RFC1: variants seen among roughly 807,000 people sequenced by gnomAD.
The protein encoded by RFC1 is A1 140 kDa subunit.
A neutral mutation model predicts 137.4 loss-of-function variants in RFC1; 37 were observed. The ratio of observed to expected loss-of-function variants is 0.27; its 90% CI spans 0.21 to 0.35. The LOEUF (loss-of-function observed/expected upper bound fraction) is 0.35. Ranked by LOEUF, RFC1 falls within the 10% of genes least tolerant of loss-of-function variation. RFC1 has a pLI of 1.00. For synonymous variants in RFC1, 429 were observed against 455.7 expected, an observed-to-expected ratio of 0.94 and a Z score of 0.75; for missense variants, 1,205 against 1,358.5, an observed-to-expected ratio of 0.89 and a Z score of 1.78.
At chr4:39,304,644 G>T (rs1398947294) in intron 15 of RFC1, among the ~76,000 whole-genome samples, 170 bp downstream of exon 15, 2 of 152,116 alleles carry the variant, frequency 1.3e-5, no homozygotes, top group African/African-American at 2.4e-5. Flanking sequence ...CTACGAAAGG[G>T]TAAGTACTGC....
intron 3 of RFC1, among the ~76,000 whole-genome samples, chr4:39,344,631 A>G (rs573917857): frequency 2.0e-4 from 31 of 152,298 alleles, no homozygotes. Context: ...TACTAAAATT[A>G]TAAAAATTAG....
At chr4:39,352,703 C>T (rs1741267830) in intron 1 of RFC1, among the ~76,000 whole-genome samples, 1 of 152,142 alleles carries the variant, frequency 6.6e-6, no homozygotes. Flanking sequence ...AACTATCATC[C>T]CTTCATATTA....
chr4:39,299,610 C>CAAAAA (rs970461214), intron 21 of RFC1, among the ~76,000 whole-genome samples: 2 of 40,404 alleles, frequency 4.9e-5, no homozygotes, highest in African/African-American at 9.0e-5. Flanking sequence ...AACACTGTCT[C>CAAAAA]AAAAAAAAAA....
intron 1 of RFC1, among the ~76,000 whole-genome samples, chr4:39,357,533 T>C (rs1447099107): frequency 6.6e-6 from 1 of 152,222 alleles, no homozygotes; most frequent in Non-Finnish European, 1.5e-5. Flanking sequence ...TTATGCCTGA[T>C]CTAATGGTTT....
chr4:39,319,177 T>G (rs2109663058), intron 9 of RFC1, among the ~76,000 whole-genome samples: 1 of 152,328 alleles, frequency 6.6e-6, no homozygotes, highest in East Asian at 1.9e-4. Flanking sequence ...TAAGTGCTTT[T>G]ACATATGAAG....
At position 39,320,424 on chromosome 4, in the gene RFC1, T is replaced by C; in HGVS notation, c.1054A>G (p.Lys352Glu). ...ENAIKLKGET[K>E]TPKKTKSSPA... ...GAACTTTTGGTTTTCTTAGGAGTTT[T>C]TGTCTCTCCTTTCAATTTAATGGCA... The change falls in exon 9 of 25, where the codon AAA becomes GAA. Residue 352 changes from lysine (K) to glutamate (E), a missense_variant. This residue lies in a region of RFC1 where 962 missense variants were observed against 1,035.3 expected (regional missense o/e 0.93). Coordinates refer to ENST00000349703, the MANE Select transcript of RFC1 (RefSeq NM_002913.5). 1.3e-6 allele frequency: 2 copies of C among 1,571,962 alleles called. No homozygotes were observed. Among genetic ancestry groups the C allele is most frequent in the Non-Finnish European group, 8.6e-7 (1 of 1,168,790 alleles).
chr4:39,358,533 G>A (rs183502910), intron 1 of RFC1, among the ~76,000 whole-genome samples: 239 of 152,154 alleles, frequency 1.6e-3, no homozygotes, highest in Non-Finnish European at 2.7e-3. Context: ...GCGCTATATG[G>A]CAGTTCCCTC....
chr4:39,358,001 G>T (rs181554577), intron 1 of RFC1, among the ~76,000 whole-genome samples: 1 of 152,080 alleles, frequency 6.6e-6, no homozygotes, highest in African/African-American at 2.4e-5. Context: ...TGGGCCAAGC[G>T]CAGTGGCTCA....
intron 10 of RFC1, among the ~76,000 whole-genome samples, chr4:39,316,454 C>A (rs1739245608): frequency 6.6e-6 from 1 of 152,112 alleles, no homozygotes; most frequent in South Asian, 2.1e-4. Context: ...CCATCACAAC[C>A]CCTTCACACC....
At chr4:39,307,332 A>G (rs773658023) in intron 13 of RFC1, 1 of 153,682 alleles carries the variant, frequency 6.5e-6, no homozygotes, top group South Asian at 2.0e-4. Flanking sequence ...CATCATGCTC[A>G]ACTCATACTC....
At chr4:39,358,850 T>C (rs184182377) in intron 1 of RFC1, among the ~76,000 whole-genome samples, 2 of 152,336 alleles carry the variant, frequency 1.3e-5, no homozygotes, top group Admixed American at 1.3e-4. Flanking sequence ...CTGTGCGAAC[T>C]AACTCACACC....
In RFC1 at chr4:39,345,383, C is replaced by T. The variant is rs1448129766; in HGVS notation, c.208+18G>A. On this transcript the variant is annotated intron_variant, in intron 3 of 24. Coordinates refer to ENST00000349703, the MANE Select transcript of RFC1 (RefSeq NM_002913.5). Reference sequence around the variant, plus strand: ...CAATAACTTTAAAATTTTAAAGCTCCTCAGAAGAAATTATTACCTGAATCA... The same window carrying T: ...CAATAACTTTAAAATTTTAAAGCTCTTCAGAAGAAATTATTACCTGAATCA... 1 of 1,607,830 alleles carries T rather than the reference C, an allele frequency of 6.2e-7. No homozygotes were observed. The highest frequency in any genetic ancestry group is 1.7e-5 in the Admixed American group (1 of 59,570).
chr4:39,324,947 G>A (rs1332071789), intron 6 of RFC1, among the ~76,000 whole-genome samples: 1 of 152,104 alleles, frequency 6.6e-6, no homozygotes, highest in Non-Finnish European at 1.5e-5. Context: ...AGAGATGAGC[G>A]CTCCTCCCTG....
chr4:39,355,380 T>C (rs1485431428), intron 1 of RFC1, among the ~76,000 whole-genome samples: 6 of 151,286 alleles, frequency 4.0e-5, no homozygotes, highest in Non-Finnish European at 7.4e-5. Context: ...CAGTGAGCCA[T>C]GACCATCACA....
chr4:39,318,103 G>A (rs1190317065), intron 9 of RFC1: 1 of 152,068 alleles, frequency 6.6e-6, no homozygotes, highest in African/African-American at 2.4e-5. Flanking sequence ...CTTGCAGTGA[G>A]CTGAGATCGC....
intron 10 of RFC1, among the ~76,000 whole-genome samples, chr4:39,314,465 G>T (rs960795904): frequency 2.0e-5 from 3 of 151,892 alleles, no homozygotes; most frequent in Non-Finnish European, 4.4e-5. Flanking sequence ...TCTAGAATTT[G>T]GCTAAGCTCT....
chr4:39,359,655 T>C lies in RFC1; in HGVS notation c.3+6584A>G, dbSNP rs949928549. 1.2e-3 allele frequency among the ~76,000 whole-genome samples: 176 copies of C among 152,076 alleles called. 1 individual carries two copies. The highest frequency in any genetic ancestry group is 4.1e-3 in the African/African-American group (171 of 41,488). ...GGCTAACACGGTGAAACCCCATCTC[T>C]ACTAAAAATACAAAAAATTAGCCAG... On this transcript the variant is annotated intron_variant, in intron 1 of 24. Transcript: ENST00000349703.
chr4:39,308,694 G>C lies in RFC1; in HGVS notation c.1827C>G (p.Asn609Lys). ...IGQQGDQSCA[N>K]KLLRWLRNWQ... is the part of the protein sequence containing the mutation. Reference sequence around the variant, plus strand: ...AGTTTCGGAGCCAGCGTAGGAGTTTGTTGGCACAGCTCTGGTCACCTTGCT... The same window carrying C: ...AGTTTCGGAGCCAGCGTAGGAGTTTCTTGGCACAGCTCTGGTCACCTTGCT... Residue 609 changes from asparagine (N) to lysine (K), a missense_variant, in exon 13 of 25, where the codon AAC becomes AAG. Asn to Lys is a moderately conservative substitution (Grantham distance 94). This residue lies in a region of RFC1 where 962 missense variants were observed against 1,035.3 expected (regional missense o/e 0.93). Transcript: ENST00000349703. 1.2e-6 allele frequency: 2 copies of C among 1,614,176 alleles called. No individual in the cohort carries two copies. Among genetic ancestry groups the C allele is most frequent in the South Asian group, 1.1e-5 (1 of 91,078 alleles).
At chr4:39,318,185 T>C (rs1739345481) in intron 9 of RFC1, 2 of 151,872 alleles carry the variant, frequency 1.3e-5, no homozygotes, top group Non-Finnish European at 2.9e-5. Context: ...GCTTAACCAA[T>C]AAAATAGTTC....
Sources: gnomAD v4.1 joint callset for allele counts (sites outside exome capture counted in the v4.1 genomes callset) on GRCh38, gnomAD v4.1.1 for gene constraint, gnomAD v4.1.1 regional missense constraint, MANE v1.5 for transcripts, NCBI Gene and HGNC (gene_info 2026-07-23, HGNC 2026-07-21) for gene names.